The following NUP214 variants were observed in gnomAD, a reference collection of about 807,000 sequenced individuals.
NUP214 encodes nuclear pore complex protein Nup214.
A neutral mutation model predicts 196.2 loss-of-function variants in NUP214; 79 were observed. That is an observed-to-expected ratio of 0.40 (90% CI 0.34 to 0.49). The LOEUF is 0.49. Among genes scored for constraint, NUP214 ranks in the 20% least tolerant of loss-of-function variants. The pLI, the probability that NUP214 is intolerant of heterozygous loss-of-function variation, is 0.58. For missense variants in NUP214, 2,468 were observed against 2,539.0 expected (o/e 0.97, Z 0.60); for synonymous variants, 1,020 against 990.5 (o/e 1.03, Z -0.56).
chr9:131,175,647 A>G, intron 23 of NUP214, 26 bp downstream of exon 23: 1 of 1,606,796 alleles, frequency 6.2e-7, no homozygotes, highest in African/African-American at 1.3e-5. Context: ...CCATACCTGT[A>G]CAGAGGCTGA....
intron 30 of NUP214, among the ~76,000 whole-genome samples, chr9:131,205,253 G>A (rs1346342087): frequency 1.3e-5 from 2 of 152,162 alleles, no homozygotes; most frequent in Non-Finnish European, 2.9e-5. Flanking sequence ...GTAACCAACA[G>A]TGTAATTGTA....
Position 131,127,799 on chromosome 9 carries a change from T to C in NUP214, c.241+80T>C, listed in dbSNP as rs755897902. 6.7e-5 allele frequency: 70 copies of C among 1,050,598 alleles called. No individual in the cohort carries two copies. In the South Asian group the frequency reaches 9.1e-4, roughly 14 times the overall value. The allele number at this position is 1,050,598 out of a possible 1,614,324, so 65.1% of individuals were successfully genotyped here. A position where few individuals can be genotyped will look rare whatever the true frequency, so the allele number is the denominator to read the frequency against. On this transcript the variant is annotated intron_variant, in intron 2 of 35. Transcript: ENST00000359428. ...TTGTGTTTCCTTCCCAAGAAGTCATTCTAATACTAAAATGAACACTGCTGT... is the reference window on the plus strand; with the variant it reads ...TTGTGTTTCCTTCCCAAGAAGTCATCCTAATACTAAAATGAACACTGCTGT...
rs1213785029 is a variant in NUP214 at position 131,125,618 on chromosome 9, A to T, written c.-87A>T. On this transcript the variant is annotated 5_prime_UTR_variant, in exon 1 of 36. Transcript: ENST00000359428. The surrounding 1 kb of genome is among the most constrained non-coding windows in gnomAD (Gnocchi z 4.1). ...ACTGCGCGCCGCTGGCGCTGAGGGG[A>T]GGAAGTTTGCTGTCGAGCGGCCTGG... The T allele has an allele frequency of 2.6e-6, 4 of 1,536,644 alleles. No individual in the cohort carries two copies. Among genetic ancestry groups the T allele is most frequent in the Admixed American group, 4.1e-5 (2 of 49,056 alleles).
chr9:131,215,513 T>A, intron 31 of NUP214, 145 bp downstream of exon 31: 3 of 933,196 alleles, frequency 3.2e-6, no homozygotes, highest in Non-Finnish European at 4.5e-6. Context: ...AGCAGTGTGA[T>A]CTGTTTTGCT....
At chr9:131,192,356 T>A in intron 27 of NUP214, 64 bp downstream of exon 27, 1 of 950,940 alleles carries the variant, frequency 1.1e-6, no homozygotes, top group Non-Finnish European at 1.7e-6. Flanking sequence ...ATCTTACAAT[T>A]ATAGATATAT....
intron 1 of NUP214, among the ~76,000 whole-genome samples, chr9:131,126,692 C>T (rs143720012): frequency 1.9e-3 from 294 of 151,992 alleles, no homozygotes; most frequent in Non-Finnish European, 3.1e-3. Context: ...GTATTACAGG[C>T]GCCTGCCACC....
chr9:131,187,274 T>C lies in NUP214; in HGVS notation c.3420-15T>C, dbSNP rs1564200243. ...TCATGCCTTTCTCTGAGTGTATGCT[T>C]TGTGTGTTTTTCAGTTCTTCAGTGC... On this transcript the variant is annotated splice_polypyrimidine_tract_variant and intron_variant, in intron 24 of 35. Transcript: ENST00000359428. 3.1e-6 allele frequency: 5 copies of C among 1,611,906 alleles called. No homozygotes were observed.
chr9:131,135,173 T>C (rs1426288796), intron 8 of NUP214, 169 bp downstream of exon 8: 2 of 542,278 alleles, frequency 3.7e-6, no homozygotes, highest in South Asian at 2.7e-5. Context: ...CACAGAAGCC[T>C]GGAACTCCCA....
chr9:131,219,806 C>T (rs927357933), intron 31 of NUP214, among the ~76,000 whole-genome samples: 3 of 152,152 alleles, frequency 2.0e-5, no homozygotes, highest in African/African-American at 7.2e-5. Flanking sequence ...TACAGGGTCC[C>T]TCTACAACTG....
At chr9:131,206,880 C>T (rs753986974) in intron 30 of NUP214, among the ~76,000 whole-genome samples, 2 of 152,204 alleles carry the variant, frequency 1.3e-5, no homozygotes, top group South Asian at 2.1e-4. Context: ...CCTTCCACTC[C>T]GTATTCTTCC....
intron 30 of NUP214, among the ~76,000 whole-genome samples, chr9:131,213,751 CTGTTGTTGTTGTTGT>C (rs55661030): frequency 9.2e-4 from 136 of 147,646 alleles, no homozygotes; most frequent in African/African-American, 3.3e-3. Flanking sequence ...TGAATTGGTA[CTGTTGTTGTTGTTGT>C]TGTTGTTGTT....
intron 29 of NUP214, among the ~76,000 whole-genome samples, chr9:131,201,227 G>A (rs1362390496): frequency 6.6e-6 from 1 of 151,534 alleles, no homozygotes; most frequent in Admixed American, 6.6e-5. Flanking sequence ...CCAGCACTTT[G>A]GGAGGCCAAG....
chr9:131,128,494 G>C lies in NUP214; in HGVS notation c.393+11G>C. 1 of 1,601,000 alleles carries C rather than the reference G, an allele frequency of 6.2e-7. No individual in the cohort carries two copies. Among genetic ancestry groups the C allele is most frequent in the South Asian group, 1.1e-5 (1 of 89,650 alleles). On this transcript the variant is annotated intron_variant, in intron 3 of 35. Coordinates refer to ENST00000359428, the MANE Select transcript of NUP214 (RefSeq NM_005085.4). ...ACATTCTCAAATGAGGTAAGCTACT[G>C]TTATACTGTGATGTCAACATGAGAA... is the stretch of plus-strand genomic sequence containing the variant.
Position 131,140,670 on chromosome 9 carries a change from G to A in NUP214, c.1254G>A (p.Glu418=). The change falls in exon 11 of 36, where the codon GAG becomes GAA. Residue 418 remains glutamate, a synonymous_variant. Transcript: ENST00000359428. ...TTAAGTCTCTCATCAAAACACCAGA[G>A]CGACTTTCATTAGAAGGAGAGCGAC... is the stretch of plus-strand genomic sequence containing the variant. ...PGVKSLIKTP[E]RLSLEGERQP... 1 of 1,613,966 alleles carries A rather than the reference G, an allele frequency of 6.2e-7. No homozygotes were observed. The highest frequency in any genetic ancestry group is 1.1e-5 in the South Asian group (1 of 91,040).
intron 21 of NUP214, among the ~76,000 whole-genome samples, chr9:131,173,311 C>T (rs1833009207): frequency 6.6e-6 from 1 of 151,468 alleles, no homozygotes; most frequent in African/African-American, 2.4e-5. Context: ...CCGCCTCAGC[C>T]TCCCAAAGTG....
chr9:131,179,266 T>A (rs1242807876), intron 24 of NUP214, among the ~76,000 whole-genome samples: 1 of 152,150 alleles, frequency 6.6e-6, no homozygotes, highest in Non-Finnish European at 1.5e-5. Flanking sequence ...CCTCACAAAG[T>A]GCTGTGATTA....
intron 24 of NUP214, among the ~76,000 whole-genome samples, chr9:131,180,642 C>G (rs985116161): frequency 1.3e-5 from 2 of 152,120 alleles, no homozygotes; most frequent in African/African-American, 2.4e-5. Flanking sequence ...GTTTATCTGG[C>G]GCCAACCCAC....
intron 21 of NUP214, among the ~76,000 whole-genome samples, chr9:131,168,737 A>G (rs894401648): frequency 1.3e-5 from 2 of 152,194 alleles, no homozygotes; most frequent in African/African-American, 2.4e-5. Context: ...CACCCTATCA[A>G]TAATTGATTT....
chr9:131,210,323 G>A (rs976232664), intron 30 of NUP214, among the ~76,000 whole-genome samples: 7 of 152,088 alleles, frequency 4.6e-5, no homozygotes, highest in Admixed American at 3.9e-4. Context: ...GCAGAGAAAT[G>A]GAAGCTTAAA....
Sources: gnomAD v4.1 joint callset for allele counts (sites outside exome capture counted in the v4.1 genomes callset) on GRCh38, gnomAD v4.1.1 for gene constraint, Gnocchi (gnomAD v3.1) non-coding constraint, MANE v1.5 for transcripts, NCBI Gene and HGNC (gene_info 2026-07-23, HGNC 2026-07-21) for gene names.